The following ADAMTSL1 variants were observed in gnomAD, a reference collection of about 807,000 sequenced individuals.
The protein encoded by ADAMTSL1 is ADAMTS-like protein 1.
ADAMTSL1 carries 126 observed loss-of-function variants against 201.8 expected under a neutral mutation model. That is an observed-to-expected ratio of 0.62 (90% CI 0.54 to 0.72). The LOEUF (loss-of-function observed/expected upper bound fraction) is 0.72, where lower values mean the gene tolerates loss of function less well. ADAMTSL1 is among the 30% of genes least tolerant of loss of function. ADAMTSL1 has a pLI of 0.00. For synonymous variants in ADAMTSL1, 1,121 were observed against 903.4 expected (o/e 1.24, Z -4.32); for missense variants, 2,679 against 2,277.8 (o/e 1.18, Z -3.59).
At chr9:17,970,769 T>G (rs1818175272) in intron 1 of ADAMTSL1, among the ~76,000 whole-genome samples, 1 of 152,068 alleles carries the variant, frequency 6.6e-6, no homozygotes, top group Non-Finnish European at 1.5e-5. Context: ...GTGTGCTTAC[T>G]CCTATCTTCA....
intron 1 of ADAMTSL1, among the ~76,000 whole-genome samples, chr9:18,113,006 A>G (rs889682567): frequency 1.3e-5 from 2 of 152,278 alleles, no homozygotes; most frequent in Non-Finnish European, 2.9e-5. Flanking sequence ...TGTCTAGTCC[A>G]GGGCTTTTTC....
intron 1 of ADAMTSL1, among the ~76,000 whole-genome samples, chr9:17,920,840 T>G (rs1263254067): frequency 6.6e-6 from 1 of 152,234 alleles, no homozygotes; most frequent in Non-Finnish European, 1.5e-5. Flanking sequence ...TGTAAACAAA[T>G]GATTGTGACT....
intron 1 of ADAMTSL1, among the ~76,000 whole-genome samples, chr9:18,070,201 C>T (rs1822898506): frequency 6.6e-6 from 1 of 152,144 alleles, no homozygotes; most frequent in Admixed American, 6.6e-5. Context: ...ATAAAAAGGA[C>T]TGGATAGGAG....
chr9:17,945,582 A>G (rs553745204), intron 1 of ADAMTSL1, among the ~76,000 whole-genome samples: 13 of 152,246 alleles, frequency 8.5e-5, no homozygotes, highest in Middle Eastern at 3.4e-3. Flanking sequence ...TCCAACAATG[A>G]TAGACTGGAT....
intron 7 of ADAMTSL1, among the ~76,000 whole-genome samples, chr9:18,647,372 T>C (rs547948865): frequency 6.6e-6 from 1 of 151,616 alleles, no homozygotes; most frequent in Non-Finnish European, 1.5e-5. Flanking sequence ...AAGGGTTTTT[T>C]TTCCCCCATT....
At chr9:17,971,028 A>T (rs1818186873) in intron 1 of ADAMTSL1, among the ~76,000 whole-genome samples, 1 of 152,114 alleles carries the variant, frequency 6.6e-6, no homozygotes, top group African/African-American at 2.4e-5. Context: ...TTGTTACATA[A>T]ATATCTGTTT....
chr9:18,388,956 C>G (rs562914808), intron 2 of ADAMTSL1, among the ~76,000 whole-genome samples: 2 of 152,054 alleles, frequency 1.3e-5, no homozygotes, highest in East Asian at 3.9e-4. Context: ...GGGGTTTCAC[C>G]ATCTTGGCTA....
intron 2 of ADAMTSL1, among the ~76,000 whole-genome samples, chr9:18,277,151 G>C (rs1329192578): frequency 6.6e-6 from 1 of 152,050 alleles, no homozygotes; most frequent in Non-Finnish European, 1.5e-5. Flanking sequence ...GACTTGTTTT[G>C]TGACTTCACA....
At chr9:18,341,568 T>C (rs1363793305) in intron 2 of ADAMTSL1, among the ~76,000 whole-genome samples, 1 of 152,172 alleles carries the variant, frequency 6.6e-6, no homozygotes, top group African/African-American at 2.4e-5. Flanking sequence ...ATGGCACTTA[T>C]TGCACTGTAT....
chr9:18,306,971 G>A (rs1320075867), intron 2 of ADAMTSL1, among the ~76,000 whole-genome samples: 2 of 152,198 alleles, frequency 1.3e-5, no homozygotes, highest in Non-Finnish European at 2.9e-5. Context: ...ACAAAGGGAA[G>A]CCCACCAGAC....
intron 1 of ADAMTSL1, among the ~76,000 whole-genome samples, chr9:17,989,480 A>T (rs772067963): frequency 6.6e-6 from 1 of 152,012 alleles, no homozygotes; most frequent in African/African-American, 2.4e-5. Context: ...AAAAAAATCA[A>T]TTAGAAAGTC....
Position 18,056,373 on chromosome 9 carries a change from G to A in ADAMTSL1, c.88-107489G>A, listed in dbSNP as rs549136061. Reference sequence around the variant, plus strand: ...AGTATGTAATGGCTTAGACAAGAGCGTGTTTCAAATCCTGAGCCTCCAGTT... The same window carrying A: ...AGTATGTAATGGCTTAGACAAGAGCATGTTTCAAATCCTGAGCCTCCAGTT... On this transcript the variant is annotated intron_variant, in intron 1 of 29. Coordinates refer to the ADAMTSL1 transcript ENST00000680146. 1.4e-4 allele frequency among the ~76,000 whole-genome samples: 22 copies of A among 152,216 alleles called. No homozygotes were observed. In the East Asian group the frequency reaches 3.5e-3, roughly 24 times the overall value.
chr9:18,589,558 C>A (rs1254212669), intron 4 of ADAMTSL1, among the ~76,000 whole-genome samples: 2 of 152,054 alleles, frequency 1.3e-5, no homozygotes, highest in African/African-American at 4.8e-5. Flanking sequence ...AATTTAGATG[C>A]CCTTAATTTT....
intron 1 of ADAMTSL1, among the ~76,000 whole-genome samples, chr9:18,022,113 T>C (rs757180628): frequency 8.5e-5 from 13 of 152,224 alleles, no homozygotes; most frequent in Non-Finnish European, 1.6e-4. Flanking sequence ...CTGTGATGTG[T>C]CTAAACCACC....
intron 2 of ADAMTSL1, among the ~76,000 whole-genome samples, chr9:18,403,546 C>G (rs1409149282): frequency 2.0e-5 from 3 of 152,180 alleles, no homozygotes; most frequent in Non-Finnish European, 4.4e-5. Flanking sequence ...TTCTCTGTCT[C>G]AATAGTTCCT....
intron 3 of ADAMTSL1, among the ~76,000 whole-genome samples, chr9:18,564,004 C>G (rs550408629): frequency 2.4e-4 from 36 of 152,182 alleles, no homozygotes; most frequent in Non-Finnish European, 1.6e-4. Flanking sequence ...TTCGGTGCCC[C>G]TTTTCAGGGG....
intron 20 of ADAMTSL1, among the ~76,000 whole-genome samples, chr9:18,806,561 A>G (rs1823132809): frequency 6.6e-6 from 1 of 152,216 alleles, no homozygotes; most frequent in Non-Finnish European, 1.5e-5. Context: ...GCTTCATTCA[A>G]AAAACAAACT....
intron 2 of ADAMTSL1, among the ~76,000 whole-genome samples, chr9:18,531,589 A>T (rs1819449556): frequency 6.6e-6 from 1 of 152,138 alleles, no homozygotes; most frequent in Non-Finnish European, 1.5e-5. Flanking sequence ...CTATATTTTT[A>T]AGATAGTCTG....
intron 2 of ADAMTSL1, among the ~76,000 whole-genome samples, chr9:18,258,103 A>G (rs7048800): frequency 0.026 from 3,871 of 150,812 alleles, 162 homozygotes; most frequent in African/African-American, 0.091. Flanking sequence ...ACTCTTAAAA[A>G]TAGGTAAAAT....
Sources: gnomAD v4.1 joint callset for allele counts (sites outside exome capture counted in the v4.1 genomes callset) on GRCh38, gnomAD v4.1.1 for gene constraint, MANE v1.5 for transcripts, NCBI Gene and HGNC (gene_info 2026-07-23, HGNC 2026-07-21) for gene names.